LRRC37A2: variants seen among roughly 807,000 people sequenced by gnomAD.
LRRC37A2 encodes the protein leucine-rich repeat-containing protein 37A2.
LRRC37A2 carries 9 observed loss-of-function variants against 68.8 expected under a neutral mutation model. The ratio of observed to expected loss-of-function variants is 0.13; its 90% confidence interval spans 0.08 to 0.23. LRRC37A2 has a LOEUF of 0.23. LRRC37A2 is among the 10% of genes least tolerant of loss of function. LRRC37A2 has a pLI of 1.00. For synonymous variants in LRRC37A2, 63 were observed against 367.6 expected (o/e 0.17, Z 9.48); for missense variants, 168 against 950.4 (o/e 0.18, Z 10.82).
the LRRC37A2 span, among the ~76,000 whole-genome samples, chr17:46,661,412 TTGAG>T: frequency 7.2e-5 from 7 of 97,040 alleles, no homozygotes; most frequent in Admixed American, 2.4e-4. Context: ...ATTATTATTT[TTGAG>T]ATGGAGTCTC....
chr17:46,824,885 T>TCCATTTCATAGGACCCTGTGC, the LRRC37A2 span, among the ~76,000 whole-genome samples: 17 of 152,206 alleles, frequency 1.1e-4, no homozygotes, highest in Admixed American at 3.9e-4. Context: ...GGTTCCTGTG[T>TCCATTTCATAGGACCCTGTGC]CCCTTTCATA....
chr17:46,821,865 G>T, the LRRC37A2 span, among the ~76,000 whole-genome samples: 1 of 152,216 alleles, frequency 6.6e-6, no homozygotes, highest in African/African-American at 2.4e-5. Flanking sequence ...GACCCCCTGC[G>T]GAGGCACCGT....
the LRRC37A2 span, chr17:46,755,991 A>C: frequency 3.8e-5 from 24 of 627,276 alleles, no homozygotes; most frequent in African/African-American, 3.9e-4. Flanking sequence ...CCTTATGCAT[A>C]CTGAGATAGC....
the LRRC37A2 span, chr17:46,768,923 G>T: frequency 7.0e-7 from 1 of 1,422,800 alleles, no homozygotes; most frequent in Non-Finnish European, 9.4e-7. This position sits in a 1 kb window ranked among gnomAD's most constrained non-coding sequence, Gnocchi z 5.0. Context: ...GTGACAGGAA[G>T]AGAACTGATG....
At chr17:46,771,896 C>A in the LRRC37A2 span, among the ~76,000 whole-genome samples, 1 of 145,770 alleles carries the variant, frequency 6.9e-6, no homozygotes, top group South Asian at 2.1e-4. Context: ...CCGCCCCTGC[C>A]CCCGCCCCCG....
chr17:46,558,005 C>T (rs1216826622), downstream of LRRC37A2, among the ~76,000 whole-genome samples: 1 of 136,210 alleles, frequency 7.3e-6, no homozygotes, highest in Admixed American at 7.4e-5. Context: ...ACTTAGCCCT[C>T]ATTGAAAAAG....
intron 8 of LRRC37A2, among the ~76,000 whole-genome samples, chr17:46,543,509 A>G (rs1192504536): frequency 6.6e-6 from 1 of 150,988 alleles, no homozygotes; most frequent in Non-Finnish European, 1.5e-5. Context: ...ACCGCATAGT[A>G]GACAATGATA....
At chr17:46,575,050 C>A in the LRRC37A2 span, among the ~76,000 whole-genome samples, 1 of 81,192 alleles carries the variant, frequency 1.2e-5, no homozygotes, top group Non-Finnish European at 3.3e-5. Context: ...GAGCCGAGAT[C>A]GCGCCACTGT....
At chr17:46,501,199 AG>A in the LRRC37A2 span, among the ~76,000 whole-genome samples, 2 of 151,176 alleles carry the variant, frequency 1.3e-5, no homozygotes, top group African/African-American at 2.5e-5. Context: ...CTTGTTTTTG[AG>A]ACGGAGTCTC....
At chr17:46,997,578 G>A in the LRRC37A2 span, among the ~76,000 whole-genome samples, 962 of 152,258 alleles carry the variant, frequency 6.3e-3, 3 homozygotes, top group Non-Finnish European at 0.01. Context: ...AGGAAATATA[G>A]AAGACAGAGA....
At chr17:46,551,366 G>A (rs1442367457) in intron 11 of LRRC37A2, among the ~76,000 whole-genome samples, 2 of 150,594 alleles carry the variant, frequency 1.3e-5, no homozygotes, top group East Asian at 1.9e-4. Context: ...CAACCTTGAC[G>A]CTATGCCACC....
At chr17:46,779,327 A>AT in the LRRC37A2 span, among the ~76,000 whole-genome samples, 1 of 152,112 alleles carries the variant, frequency 6.6e-6, no homozygotes, top group Non-Finnish European at 1.5e-5. Context: ...CCCAAGGGGG[A>AT]TAGAGACCTG....
At chr17:46,979,000 G>C in the LRRC37A2 span, 1 of 1,413,446 alleles carries the variant, frequency 7.1e-7, no homozygotes. Context: ...CAGGAAGGTC[G>C]CGTTCATCGC....
At chr17:46,772,191 C>A in the LRRC37A2 span, among the ~76,000 whole-genome samples, 2 of 152,152 alleles carry the variant, frequency 1.3e-5, no homozygotes, top group Non-Finnish European at 2.9e-5. Context: ...GCGCTCGCGG[C>A]GTCTTCCGGG....
At chr17:47,014,017 C>T in the LRRC37A2 span, among the ~76,000 whole-genome samples, 54 of 152,110 alleles carry the variant, frequency 3.6e-4, no homozygotes, top group Middle Eastern at 3.4e-3. Flanking sequence ...CGCTTGAACC[C>T]GGGAGGCGGA....
At chr17:46,723,872 A>G in the LRRC37A2 span, among the ~76,000 whole-genome samples, 1 of 152,200 alleles carries the variant, frequency 6.6e-6, no homozygotes. Flanking sequence ...AATGTTTCTA[A>G]AACATAAGCC....
At chr17:47,037,306 C>T in the LRRC37A2 span, among the ~76,000 whole-genome samples, 21 of 152,038 alleles carry the variant, frequency 1.4e-4, no homozygotes, top group South Asian at 1.9e-3. Context: ...GGTTTCAGCA[C>T]GTTTATCAGG....
chr17:46,922,986 G>A, the LRRC37A2 span: 1 of 615,780 alleles, frequency 1.6e-6, no homozygotes, highest in Non-Finnish European at 2.9e-6. Flanking sequence ...CCGAGCCTGT[G>A]ACTACACTTA....
chr17:46,914,910 AG>A, the LRRC37A2 span, among the ~76,000 whole-genome samples: 1 of 152,212 alleles, frequency 6.6e-6, no homozygotes, highest in African/African-American at 2.4e-5. Context: ...GCATTCTGAT[AG>A]AACTTAATTG....
Sources: gnomAD v4.1 joint callset for allele counts (sites outside exome capture counted in the v4.1 genomes callset) on GRCh38, gnomAD v4.1.1 for gene constraint, Gnocchi (gnomAD v3.1) non-coding constraint, MANE v1.5 for transcripts, NCBI Gene and HGNC (gene_info 2026-07-23, HGNC 2026-07-21) for gene names.